Variants in SH3BGRL2 observed in about 807,000 individuals in gnomAD.
The protein encoded by SH3BGRL2 is SH3 domain-binding glutamic acid-rich-like protein 2.
In SH3BGRL2, 21 loss-of-function variants were observed where a neutral mutation model predicts 14.8. The ratio of observed to expected loss-of-function variants is 1.42; its 90% CI spans 1.01 to 2.05. SH3BGRL2 has a LOEUF of 2.05. SH3BGRL2 is among the 30% of genes most tolerant of loss of function. The pLI is 0.00. For missense variants in SH3BGRL2, 147 were observed against 130.8 expected (o/e 1.12, Z -0.61); for synonymous variants, 50 against 47.8 (o/e 1.05, Z -0.19).
At chr6:79,556,711 A>C in the SH3BGRL2 span, among the ~76,000 whole-genome samples, 1 of 152,028 alleles carries the variant, frequency 6.6e-6, no homozygotes, top group East Asian at 1.9e-4. Context: ...CAATTCTTAC[A>C]GAATTATTTA....
intron 1 of SH3BGRL2, among the ~76,000 whole-genome samples, chr6:79,666,186 C>T (rs1769656678): frequency 6.6e-6 from 1 of 152,160 alleles, no homozygotes; most frequent in Admixed American, 6.6e-5. Context: ...CGAGGGCCTG[C>T]CTTGCTGGGA....
the SH3BGRL2 span, among the ~76,000 whole-genome samples, chr6:79,570,708 G>C: frequency 2.6e-5 from 4 of 152,282 alleles, no homozygotes; most frequent in South Asian, 8.3e-4. Flanking sequence ...TCCAAGGCTA[G>C]AGATAAGATG....
the SH3BGRL2 span, among the ~76,000 whole-genome samples, chr6:79,548,222 C>G: frequency 6.6e-6 from 1 of 151,994 alleles, no homozygotes. Context: ...ACAATTTTAT[C>G]ATCTTAAAAA....
At chr6:79,682,651 C>T (rs1770010694) in intron 2 of SH3BGRL2, among the ~76,000 whole-genome samples, 2 of 152,182 alleles carry the variant, frequency 1.3e-5, no homozygotes, top group Non-Finnish European at 2.9e-5. Context: ...AGAAGACTGC[C>T]CATCTGCCCG....
the SH3BGRL2 span, among the ~76,000 whole-genome samples, chr6:79,590,257 A>G: frequency 2.0e-5 from 3 of 151,902 alleles, no homozygotes; most frequent in South Asian, 6.2e-4. Flanking sequence ...AAACAGAACT[A>G]CCATTCAACT....
the SH3BGRL2 span, among the ~76,000 whole-genome samples, chr6:79,609,504 C>T: frequency 2.0e-5 from 3 of 152,098 alleles, no homozygotes; most frequent in Non-Finnish European, 4.4e-5. Flanking sequence ...GTCTTTCTTT[C>T]GTTCCTCAGC....
At chr6:79,656,372 G>A (rs1769418140) in intron 1 of SH3BGRL2, among the ~76,000 whole-genome samples, 2 of 152,144 alleles carry the variant, frequency 1.3e-5, no homozygotes, top group East Asian at 1.9e-4. Context: ...GAATTTTCTG[G>A]TTTTCTGATA....
intron 2 of SH3BGRL2, among the ~76,000 whole-genome samples, chr6:79,679,632 A>G (rs1470697927): frequency 5.3e-5 from 8 of 152,084 alleles, no homozygotes; most frequent in South Asian, 4.2e-4. Context: ...TTCTATTTTT[A>G]ATTTTGGGGG....
At chr6:79,563,558 C>T in the SH3BGRL2 span, among the ~76,000 whole-genome samples, 1 of 152,022 alleles carries the variant, frequency 6.6e-6, no homozygotes, top group Non-Finnish European at 1.5e-5. Flanking sequence ...CACATAGAAA[C>T]TTTTCTCTTG....
At chr6:79,612,500 A>C in the SH3BGRL2 span, among the ~76,000 whole-genome samples, 5 of 152,188 alleles carry the variant, frequency 3.3e-5, no homozygotes, top group Non-Finnish European at 7.4e-5. Context: ...GTGGGTAAGA[A>C]AATTTTAGCG....
the SH3BGRL2 span, among the ~76,000 whole-genome samples, chr6:79,576,170 T>C: frequency 5.3e-5 from 8 of 152,192 alleles, no homozygotes; most frequent in Non-Finnish European, 1.2e-4. Context: ...ATATTTTTAT[T>C]AAAACTTCCT....
At chr6:79,665,434 A>C (rs2127730809) in intron 1 of SH3BGRL2, among the ~76,000 whole-genome samples, 1 of 152,294 alleles carries the variant, frequency 6.6e-6, no homozygotes, top group Admixed American at 6.5e-5. Context: ...CTACTTCTAA[A>C]TGTGGGCTCC....
At chr6:79,637,278 G>A (rs1410609797) in intron 1 of SH3BGRL2, among the ~76,000 whole-genome samples, 1 of 152,074 alleles carries the variant, frequency 6.6e-6, no homozygotes, top group Non-Finnish European at 1.5e-5. Context: ...ATATAATCAA[G>A]GATATGAACT....
chr6:79,604,261 C>A, the SH3BGRL2 span, among the ~76,000 whole-genome samples: 6 of 152,232 alleles, frequency 3.9e-5, no homozygotes, highest in Admixed American at 3.9e-4. Flanking sequence ...TTCCCACATC[C>A]TATTACATGT....
chr6:79,657,764 C>A (rs1769454419), intron 1 of SH3BGRL2, among the ~76,000 whole-genome samples: 1 of 151,982 alleles, frequency 6.6e-6, no homozygotes, highest in Admixed American at 6.6e-5. Flanking sequence ...TTACAGGCAC[C>A]TGCTACCATG....
intron 2 of SH3BGRL2, among the ~76,000 whole-genome samples, chr6:79,682,628 G>T (rs532322322): frequency 6.6e-6 from 1 of 152,166 alleles, no homozygotes; most frequent in South Asian, 2.1e-4. Flanking sequence ...TACCTGGGGG[G>T]GCCCAAAGTC....
chr6:79,654,264 G>A (rs1369825051), intron 1 of SH3BGRL2, among the ~76,000 whole-genome samples: 1 of 152,048 alleles, frequency 6.6e-6, no homozygotes, highest in African/African-American at 2.4e-5. Flanking sequence ...GTTTTGAGAA[G>A]GAAAGGTAAG....
At chr6:79,619,130 A>C in the SH3BGRL2 span, among the ~76,000 whole-genome samples, 1 of 151,980 alleles carries the variant, frequency 6.6e-6, no homozygotes, top group African/African-American at 2.4e-5. Flanking sequence ...ACTATATAAA[A>C]AACATGATTA....
the SH3BGRL2 span, among the ~76,000 whole-genome samples, chr6:79,562,092 A>AT: frequency 1.2e-4 from 18 of 152,058 alleles, no homozygotes; most frequent in African/African-American, 4.1e-4. Context: ...ACAACAATAT[A>AT]TTTTTTTATT....
Sources: allele counts gnomAD v4.1 joint callset (sites outside exome capture counted in the v4.1 genomes callset), GRCh38; gene constraint gnomAD v4.1.1; transcripts MANE v1.5; gene names NCBI Gene and HGNC (gene_info 2026-07-23, HGNC 2026-07-21).